Variants in DIP2A observed in about 807,000 individuals in gnomAD.
DIP2A encodes the protein DIP2 acetate--CoA ligase A.
In DIP2A, 85 loss-of-function variants were observed where a neutral mutation model predicts 177.4. The observed-to-expected ratio is 0.48, with a 90% CI of 0.40 to 0.57. DIP2A has a LOEUF of 0.57. Ranked by LOEUF, DIP2A falls within the 20% of genes least tolerant of loss-of-function variation. The pLI, the probability that DIP2A is intolerant of heterozygous loss-of-function variation, is 0.00. For missense variants in DIP2A, 1,791 were observed against 2,100.2 expected, an observed-to-expected ratio of 0.85 and a Z score of 2.88; for synonymous variants, 886 against 881.8, an observed-to-expected ratio of 1.00 and a Z score of -0.08.
At chr21:46,577,740 C>T in the DIP2A span, among the ~76,000 whole-genome samples, 6 of 152,118 alleles carry the variant, frequency 3.9e-5, no homozygotes, top group South Asian at 2.1e-4. Context: ...GCCATTTTCA[C>T]GATATTGATT....
chr21:46,472,482 A>G (rs1008653436), intron 1 of DIP2A, among the ~76,000 whole-genome samples: 10 of 152,290 alleles, frequency 6.6e-5, no homozygotes, highest in South Asian at 2.1e-4. Flanking sequence ...TGTGTACAGA[A>G]CCCAGTCAGC....
At chr21:46,555,807 A>C (rs2060447313) in intron 28 of DIP2A, 175 bp from the exon 29 acceptor site, 1 of 624,176 alleles carries the variant, frequency 1.6e-6, no homozygotes, top group South Asian at 1.8e-5. Flanking sequence ...ATGAAGAATG[A>C]AATACGCTTT....
intron 11 of DIP2A, 143 bp from the exon 12 acceptor site, chr21:46,533,861 A>G: frequency 2.1e-6 from 2 of 963,204 alleles, no homozygotes; most frequent in Non-Finnish European, 1.5e-6. Flanking sequence ...ACCTTTTTAA[A>G]TTATATAAAA....
chr21:46,524,451 G>C (rs2058972825), intron 8 of DIP2A, among the ~76,000 whole-genome samples: 1 of 152,158 alleles, frequency 6.6e-6, no homozygotes, highest in Non-Finnish European at 1.5e-5. Flanking sequence ...CTTACCCAAA[G>C]TCGGCCAATT....
At position 46,568,584 on chromosome 21, in the gene DIP2A, A is replaced by G. The variant is rs766216262; in HGVS notation, c.*962A>G. 6.6e-6 allele frequency: 1 copy of G among 152,222 alleles called. No homozygotes were observed. Among genetic ancestry groups the G allele is most frequent in the Non-Finnish European group, 1.5e-5 (1 of 68,044 alleles). 9.4% of individuals were successfully genotyped at this position (152,222 alleles called of 1,614,324 possible). A position where few individuals can be genotyped will look rare whatever the true frequency, so the allele number is the denominator to read the frequency against. ...TTGTCACGGACACTCAATAAGTGCC[A>G]TTTTGGACTGTCAAATTTAGATGCT... is the stretch of plus-strand genomic sequence containing the variant. On this transcript the variant is annotated 3_prime_UTR_variant, in exon 38 of 38. Transcript: ENST00000417564.
At position 46,556,829 on chromosome 21, in the gene DIP2A, G is replaced by T. The variant is rs191647816; in HGVS notation, c.3499-110G>T. 5.0e-4 allele frequency: 465 copies of T among 933,370 alleles called. No homozygotes were observed. The highest frequency in any genetic ancestry group is 2.2e-4 in the Non-Finnish European group (144 of 652,366). The allele number at this position is 933,370 out of a possible 1,614,324, so 57.8% of individuals were successfully genotyped here. On this transcript the variant is annotated intron_variant, in intron 29 of 37. Transcript: ENST00000417564. The surrounding 1 kb of genome is among the most constrained non-coding windows in gnomAD (Gnocchi z 4.5). ...TTTAAGGAAATAAATATGATGTTTG[G>T]TAGTTCGGAGCTATGGTCTAGCCAT... is the stretch of plus-strand genomic sequence containing the variant.
rs779987282 is a variant in DIP2A at position 46,541,915 on chromosome 21, TG to T, written c.2176+23del. The T allele has an allele frequency of 2.7e-5, 43 of 1,613,740 alleles. No individual in the cohort carries two copies. In the African/African-American group the frequency reaches 5.1e-4, roughly 19 times the overall value. On this transcript the variant is annotated intron_variant, in intron 18 of 37. Transcript: ENST00000417564. ...CTGGAGGTAAGAGACATAACCAGAGTGGGTCTTTGTCCATGACTGATTGAGG... is the reference window on the plus strand; with the variant it reads ...CTGGAGGTAAGAGACATAACCAGAGTGGTCTTTGTCCATGACTGATTGAGG...
rs755884276 is a variant in DIP2A at position 46,558,194 on chromosome 21, C to T, written c.3799-29C>T. The T allele has an allele frequency of 6.9e-6, 11 of 1,592,150 alleles. No homozygotes were observed. The South Asian group carries it at 1.0e-4, about 15-fold the overall frequency. On this transcript the variant is annotated intron_variant, in intron 31 of 37. Coordinates refer to ENST00000417564, the MANE Select transcript of DIP2A (RefSeq NM_015151.4). Reference sequence around the variant, plus strand: ...CCCTGGCAACTCACTGAGCTGTGGCCGTGGCCTGACCGCTCACCCCTCCCG... The same window carrying T: ...CCCTGGCAACTCACTGAGCTGTGGCTGTGGCCTGACCGCTCACCCCTCCCG...
chr21:46,513,106 G>GA, intron 8 of DIP2A, among the ~76,000 whole-genome samples: 1 of 150,128 alleles, frequency 6.7e-6, no homozygotes, highest in Admixed American at 6.6e-5. Context: ...CTTACATGTT[G>GA]TTTTTTTTTC....
In DIP2A at chr21:46,556,949, C is replaced by G; in HGVS notation, c.3509C>G (p.Ala1170Gly). The change falls in exon 30 of 38, where the codon GCG becomes GGG. Residue 1170 changes from alanine to glycine, a missense_variant. Transcript: ENST00000417564. The surrounding 1 kb of genome is among the most constrained non-coding windows in gnomAD (Gnocchi z 4.5). The part of the protein sequence containing the change: ...GILAGVKMSH[A>G]ATSALCRSIK... ...TATTTTACTCTTAAGATGTCGCACG[C>G]GGCCACAAGCGCCTTATGCCGCTCC... The G allele has an allele frequency of 6.4e-7, 1 of 1,566,630 alleles. No individual in the cohort carries two copies. The highest frequency in any genetic ancestry group is 8.7e-7 in the Non-Finnish European group (1 of 1,153,940).
rs2148792865 is a variant in DIP2A, at chr21:46,537,349, C to T, written c.1707+61C>T. On this transcript the variant is annotated intron_variant, in intron 14 of 37. Coordinates refer to ENST00000417564, the MANE Select transcript of DIP2A (RefSeq NM_015151.4). The surrounding 1 kb of genome is among the most constrained non-coding windows in gnomAD (Gnocchi z 4.1). ...AAGGGATTGAGATGAACCCAAGCCT[C>T]TGCCTGAAATGTTGTTGGGAGAGTA... 6.2e-7 allele frequency: 1 copy of T among 1,611,796 alleles called. No individual in the cohort carries two copies. The highest frequency in any genetic ancestry group is 8.5e-7 in the Non-Finnish European group (1 of 1,177,876).
At chr21:46,558,585 G>A (rs2060555736) in intron 32 of DIP2A, 192 bp downstream of exon 32, 1 of 629,084 alleles carries the variant, frequency 1.6e-6, no homozygotes, top group African/African-American at 1.8e-5. Flanking sequence ...TCTAGTTGGA[G>A]AAAGGCTTAT....
At chr21:46,542,442 T>C (rs2839316) in intron 18 of DIP2A, among the ~76,000 whole-genome samples, 16,654 of 152,274 alleles carry the variant, frequency 0.11, 1,332 homozygotes, top group African/African-American at 0.22. Flanking sequence ...AAGTAAGTTC[T>C]AGCAAGCATG....
In DIP2A at chr21:46,545,170, C is replaced by T. The variant is rs756749422; in HGVS notation, c.2210C>T (p.Pro737Leu). 1 of 1,606,936 alleles carries T rather than the reference C, an allele frequency of 6.2e-7. No homozygotes were observed. Among genetic ancestry groups the T allele is most frequent in the East Asian group, 2.2e-5 (1 of 44,630 alleles). ...TGTGTTGTGAAGTTAGAAGGTACCCCTTATCTTTGTAAAACTGATGAAGTG... is the reference window on the plus strand; with the variant it reads ...TGTGTTGTGAAGTTAGAAGGTACCCTTTATCTTTGTAAAACTGATGAAGTG... ...NVCVVKLEGT[P>L]YLCKTDEVGE... The change falls in exon 19 of 38, where the codon CCT (proline) becomes CTT (leucine). Residue 737 changes from proline (P) to leucine (L), a missense_variant. By Grantham distance (98) the Pro-to-Leu change is moderately conservative. Coordinates refer to ENST00000417564, the MANE Select transcript of DIP2A (RefSeq NM_015151.4).
intron 21 of DIP2A, among the ~76,000 whole-genome samples, chr21:46,549,177 A>G (rs2060175705): frequency 6.6e-6 from 1 of 152,166 alleles, no homozygotes; most frequent in Non-Finnish European, 1.5e-5. Flanking sequence ...GGAAAGGACA[A>G]GAGACGGTAT....
intron 37 of DIP2A, 126 bp downstream of exon 37, chr21:46,566,809 C>T: frequency 7.8e-7 from 1 of 1,277,234 alleles, no homozygotes; most frequent in Non-Finnish European, 1.1e-6. Flanking sequence ...CCTGCATTGT[C>T]ACCCTGGTCT....
At position 46,567,630 on chromosome 21, in the gene DIP2A, A is replaced by T. The variant is rs545714964; in HGVS notation, c.*8A>T. On this transcript the variant is annotated 3_prime_UTR_variant, in exon 38 of 38. Transcript: ENST00000417564. ...GTCGCCTACAACATGTGAGCGCAGC[A>T]CACCGGCCCAGGTGCCGGAGATGAA... 1 of 1,572,134 alleles carries T rather than the reference A, an allele frequency of 6.4e-7. No individual in the cohort carries two copies. Among genetic ancestry groups the T allele is most frequent in the Non-Finnish European group, 8.6e-7 (1 of 1,156,774 alleles).
intron 8 of DIP2A, among the ~76,000 whole-genome samples, chr21:46,519,117 G>C (rs1362733184): frequency 6.6e-6 from 1 of 152,178 alleles, no homozygotes; most frequent in Non-Finnish European, 1.5e-5. Context: ...GCTGTAAACT[G>C]TCATGGCACT....
Position 46,533,657 on chromosome 21 carries a change from C to G in DIP2A, c.1429+10C>G. ...GTGGCAGCTTTCAAAGGTGAGGCCT[C>G]CCAAGGGAAGGGGAGTCAGTGTTCT... On this transcript the variant is annotated intron_variant, in intron 11 of 37. Transcript: ENST00000417564. 1.2e-6 allele frequency: 2 copies of G among 1,613,916 alleles called. No individual in the cohort carries two copies. The highest frequency in any genetic ancestry group is 1.7e-6 in the Non-Finnish European group (2 of 1,179,840).
Sources: allele counts gnomAD v4.1 joint callset (sites outside exome capture counted in the v4.1 genomes callset), GRCh38; gene constraint gnomAD v4.1.1; non-coding constraint Gnocchi (gnomAD v3.1); transcripts MANE v1.5; gene names NCBI Gene and HGNC (gene_info 2026-07-23, HGNC 2026-07-21).